The following FLACC1 variants were observed in gnomAD, a reference collection of about 807,000 sequenced individuals.
FLACC1 encodes flagellum-associated coiled-coil domain-containing protein 1.
A neutral mutation model predicts 62.8 loss-of-function variants in FLACC1; 66 were observed. The ratio of observed to expected loss-of-function variants is 1.05; its 90% CI spans 0.86 to 1.29. The LOEUF is 1.29. Ranked by LOEUF, FLACC1 falls within the 50% of genes most tolerant of loss-of-function variation. The probability of loss-of-function intolerance (pLI) is 0.00; values close to 1 mark genes in which losing one functional copy is unlikely to be tolerated. For synonymous variants in FLACC1, 156 were observed against 161.0 expected, an observed-to-expected ratio of 0.97 and a Z score of 0.24; for missense variants, 452 against 489.1, an observed-to-expected ratio of 0.92 and a Z score of 0.71.
intron 9 of FLACC1, among the ~76,000 whole-genome samples, chr2:201,313,368 T>G (rs1199906512): frequency 6.6e-6 from 1 of 151,990 alleles, no homozygotes; most frequent in Non-Finnish European, 1.5e-5. Flanking sequence ...TACTACTGGG[T>G]TGGGGGCATG....
Position 201,309,223 on chromosome 2 carries a change from T to A in FLACC1, c.703A>T (p.Lys235Ter). Reference sequence around the variant, plus strand: ...CATTTCGCCTTCTGTTTTGACCACTTCTCTTCCATTTCATCATAAATACTG... The same window carrying A: ...CATTTCGCCTTCTGTTTTGACCACTACTCTTCCATTTCATCATAAATACTG... ...QDSIYDEMEE[K>*]WSKQKAKWKK... Residue 235 changes from lysine (K) to a stop codon, truncating the protein, a stop_gained, in exon 10 of 15, where the codon AAG becomes TAG. Coordinates refer to ENST00000392257, the MANE Select transcript of FLACC1 (RefSeq NM_001127391.3). LOFTEE classifies it high-confidence loss of function. The A allele has an allele frequency of 6.2e-7, 1 of 1,613,958 alleles. No individual in the cohort carries two copies. The highest frequency in any genetic ancestry group is 8.5e-7 in the Non-Finnish European group (1 of 1,179,870).
intron 9 of FLACC1, among the ~76,000 whole-genome samples, chr2:201,315,143 A>C (rs1471550612): frequency 3.9e-5 from 6 of 152,104 alleles, no homozygotes; most frequent in Non-Finnish European, 8.8e-5. Flanking sequence ...AAAAACAAAA[A>C]CAAAAAAACC....
chr2:201,344,738 G>A (rs1030163394), intron 5 of FLACC1, among the ~76,000 whole-genome samples: 3 of 152,190 alleles, frequency 2.0e-5, no homozygotes. Flanking sequence ...ACAGGTCATG[G>A]TTTTCTGTGT....
rs764506462 is a variant in FLACC1 at position 201,309,925 on chromosome 2, A to AAAAAAAAAAAAAAAAAAAAG, written c.676-676_676-675insCTTTTTTTTTTTTTTTTTTT. 3.2e-4 allele frequency among the ~76,000 whole-genome samples: 32 copies of AAAAAAAAAAAAAAAAAAAAG among 99,448 alleles called. 3 individuals are homozygous for AAAAAAAAAAAAAAAAAAAAG. The highest frequency in any genetic ancestry group is 4.8e-4 in the Non-Finnish European group (21 of 44,168). 65.2% of individuals were successfully genotyped at this position (99,448 alleles called of 152,430 possible). A position where few individuals can be genotyped will look rare whatever the true frequency, so the allele number is the denominator to read the frequency against. ...TGTCTCAAAAAAAAAAAAAAAAAAAAAAGAAGAAGAAAGGAAATACCTAGT... is the reference window on the plus strand; with the variant it reads ...TGTCTCAAAAAAAAAAAAAAAAAAAAAAAAAAAAAAAAAAAAAAAGAAGAAGAAGAAAGGAAATACCTAGT... On this transcript the variant is annotated intron_variant, in intron 9 of 14. Transcript: ENST00000392257.
At chr2:201,362,709 A>G in the FLACC1 span, among the ~76,000 whole-genome samples, 1 of 152,214 alleles carries the variant, frequency 6.6e-6, no homozygotes, top group Non-Finnish European at 1.5e-5. Flanking sequence ...GACATAGAGA[A>G]AAGCTGCAAA....
At chr2:201,298,498 A>G (rs1204384366) in intron 12 of FLACC1, among the ~76,000 whole-genome samples, 1 of 152,206 alleles carries the variant, frequency 6.6e-6, no homozygotes, top group African/African-American at 2.4e-5. Flanking sequence ...ACATGACACA[A>G]ATGACAGAAT....
chr2:201,304,265 C>T (rs1278529743), intron 11 of FLACC1, among the ~76,000 whole-genome samples: 2 of 152,124 alleles, frequency 1.3e-5, no homozygotes, highest in Admixed American at 6.5e-5. Context: ...GCAAAAATCA[C>T]AAGCATTCCT....
Position 201,346,624 on chromosome 2 carries a change from T to G in FLACC1, c.286A>C (p.Ile96Leu). Reference sequence around the variant, plus strand: ...ATCTCATCCCCTAAGGTGACAGAAATCTGTTCCCGATTCCGAACAAGTTGA... The same window carrying G: ...ATCTCATCCCCTAAGGTGACAGAAAGCTGTTCCCGATTCCGAACAAGTTGA... ...GYQLVRNREQISVTLGDEMFD... is the reference protein window; with the variant it reads ...GYQLVRNREQLSVTLGDEMFD... The change falls in exon 5 of 15, where the codon ATT becomes CTT. Residue 96 changes from isoleucine (I) to leucine (L), a missense_variant. Transcript: ENST00000392257. This position sits in a 1 kb window ranked among gnomAD's most constrained non-coding sequence, Gnocchi z 4.0. 9 of 1,614,234 alleles carry G rather than the reference T, an allele frequency of 5.6e-6. No individual in the cohort carries two copies. The highest frequency in any genetic ancestry group is 7.6e-6 in the Non-Finnish European group (9 of 1,180,042).
chr2:201,348,984 A>T (rs1026619430), intron 3 of FLACC1, among the ~76,000 whole-genome samples: 1 of 152,198 alleles, frequency 6.6e-6, no homozygotes, highest in Non-Finnish European at 1.5e-5. Flanking sequence ...TTGTGATTAC[A>T]TGGGATCTGG....
intron 9 of FLACC1, among the ~76,000 whole-genome samples, chr2:201,312,912 G>A (rs533136778): frequency 6.6e-6 from 1 of 152,344 alleles, no homozygotes; most frequent in African/African-American, 2.4e-5. Flanking sequence ...AAGTAGGAAA[G>A]GGGGATTGTC....
intron 8 of FLACC1, 106 bp from the exon 9 acceptor site, chr2:201,330,628 C>T (rs909171692): frequency 3.9e-6 from 6 of 1,526,728 alleles, no homozygotes; most frequent in Non-Finnish European, 5.4e-6. Flanking sequence ...AAACTCATCA[C>T]CAAGGTAGTA....
chr2:201,357,274 T>C lies in FLACC1; in HGVS notation c.-340A>G, dbSNP rs1951135240. The C allele has an allele frequency of 6.6e-6, 1 of 152,266 alleles. No individual in the cohort carries two copies. Among genetic ancestry groups the C allele is most frequent in the South Asian group, 2.1e-4 (1 of 4,830 alleles). The allele number at this position is 152,266 out of a possible 1,614,324, so 9.4% of individuals were successfully genotyped here. ...AGACAAAACAGTTGAAGTTTCTCAG[T>C]ATTGCAATGAAATTAAACTAGAGGA... On this transcript the variant is annotated 5_prime_UTR_variant, in exon 1 of 15. The change creates a new upstream start codon in the 5' untranslated region. Transcript: ENST00000392257.
chr2:201,357,364 G>A (rs1576489644), upstream of FLACC1: 1 of 152,348 alleles, frequency 6.6e-6, no homozygotes. Flanking sequence ...GCCCTTGGGA[G>A]ATGGCAGGCC....
intron 11 of FLACC1, among the ~76,000 whole-genome samples, chr2:201,303,193 AAAG>A: frequency 6.6e-6 from 1 of 152,238 alleles, no homozygotes; most frequent in East Asian, 1.9e-4. Context: ...CAAGACTAAT[AAAG>A]AAGAAAAGAG....
At chr2:201,347,885 G>A (rs1950949116) in intron 4 of FLACC1, among the ~76,000 whole-genome samples, 1 of 152,150 alleles carries the variant, frequency 6.6e-6, no homozygotes, top group Non-Finnish European at 1.5e-5. Flanking sequence ...CCCCTGAGGG[G>A]TCCCGGCAGC....
At chr2:201,347,004 C>T (rs919851637) in intron 4 of FLACC1, among the ~76,000 whole-genome samples, 2 of 152,222 alleles carry the variant, frequency 1.3e-5, no homozygotes, top group African/African-American at 4.8e-5. Flanking sequence ...TTTGGAATCA[C>T]AGAGGCCTGA....
chr2:201,311,616 A>G (rs752036554), intron 9 of FLACC1, among the ~76,000 whole-genome samples: 2 of 148,422 alleles, frequency 1.3e-5, no homozygotes, highest in Admixed American at 1.4e-4. Context: ...TGTGAGGATC[A>G]CTCCAGCCCA....
At position 201,346,720 on chromosome 2, in the gene FLACC1, C is replaced by T. The variant is rs1406122; in HGVS notation, c.235-45G>A. ...AAGATAAAATGGCAGACTTGGAGTG[C>T]TGAGATTTTTCCAAATCTTCTCTTA... On this transcript the variant is annotated intron_variant, in intron 4 of 14. Coordinates refer to ENST00000392257, the MANE Select transcript of FLACC1 (RefSeq NM_001127391.3). This position sits in a 1 kb window ranked among gnomAD's most constrained non-coding sequence, Gnocchi z 4.0. 0.56 allele frequency: 899,939 copies of T among 1,609,958 alleles called. 254,436 individuals are homozygous for T. Among genetic ancestry groups the T allele is most frequent in the South Asian group, 0.6 (54,186 of 90,966 alleles).
At chr2:201,312,465 A>T (rs1160238788) in intron 9 of FLACC1, among the ~76,000 whole-genome samples, 4 of 152,238 alleles carry the variant, frequency 2.6e-5, no homozygotes, top group Non-Finnish European at 5.9e-5. Context: ...GGATTAGAAG[A>T]GTCAATATCA....
Sources: allele counts gnomAD v4.1 joint callset (sites outside exome capture counted in the v4.1 genomes callset), GRCh38; gene constraint gnomAD v4.1.1; non-coding constraint Gnocchi (gnomAD v3.1); transcripts MANE v1.5; gene names NCBI Gene and HGNC (gene_info 2026-07-23, HGNC 2026-07-21).